PC: variants seen among roughly 807,000 people sequenced by gnomAD.
The protein encoded by PC is pyruvate carboxylase.
In PC, 46 loss-of-function variants were observed where a neutral mutation model predicts 107.8. That is an observed-to-expected ratio of 0.43 (90% CI 0.34 to 0.55). PC has a LOEUF of 0.55. PC is among the 20% of genes least tolerant of loss of function. The pLI, the probability that PC is intolerant of heterozygous loss-of-function variation, is 0.04. For missense variants in PC, 1,241 were observed against 1,643.1 expected (o/e 0.76, Z 4.23); for synonymous variants, 662 against 684.7 (o/e 0.97, Z 0.52).
intron 3 of PC, among the ~76,000 whole-genome samples, chr11:66,935,979 T>C (rs1240559375): frequency 6.6e-6 from 1 of 151,294 alleles, no homozygotes; most frequent in Non-Finnish European, 1.5e-5. Flanking sequence ...CTCAGGAGGC[T>C]CAGGTGGGAG....
At chr11:66,859,897 T>C (rs749430538) in intron 12 of PC, 1 of 1,575,472 alleles carries the variant, frequency 6.3e-7, no homozygotes, top group Non-Finnish European at 8.6e-7. Flanking sequence ...ACTGTGGCCT[T>C]GCTGGTTCGG....
rs1454157284 is a variant in PC at position 66,851,779 on chromosome 11, C to T, written c.1982+11G>A. 6.2e-7 allele frequency: 1 copy of T among 1,614,140 alleles called. No homozygotes were observed. Among genetic ancestry groups the T allele is most frequent in the African/African-American group, 1.3e-5 (1 of 75,056 alleles). On this transcript the variant is annotated intron_variant, in intron 16 of 22. Coordinates refer to ENST00000393960, the MANE Select transcript of PC (RefSeq NM_001040716.2). ...ACCAGGTAGCGTCTGCCCACCCCAC[C>T]CCAGGCTCACTTGAAGACCACGTTG...
At chr11:66,894,983 T>C (rs1252945162) in intron 3 of PC, among the ~76,000 whole-genome samples, 1 of 150,762 alleles carries the variant, frequency 6.6e-6, no homozygotes, top group Non-Finnish European at 1.5e-5. Flanking sequence ...GATTGTGCCA[T>C]TGCACTCCAG....
chr11:66,927,920 A>G (rs1002305381), intron 3 of PC, among the ~76,000 whole-genome samples: 3 of 152,198 alleles, frequency 2.0e-5, no homozygotes, highest in Non-Finnish European at 4.4e-5. Flanking sequence ...GGAGAAATTT[A>G]CATGAAGAGA....
intron 12 of PC, chr11:66,860,754 G>A (rs985262638): frequency 1.1e-4 from 78 of 698,770 alleles, no homozygotes; most frequent in Admixed American, 9.8e-4. Flanking sequence ...GCGACAGGAC[G>A]CCGTATCCAG....
At chr11:66,890,950 G>A (rs940290752) in intron 3 of PC, among the ~76,000 whole-genome samples, 1 of 152,068 alleles carries the variant, frequency 6.6e-6, no homozygotes, top group Non-Finnish European at 1.5e-5. Flanking sequence ...GATTAAAAGT[G>A]TTAAAAAATG....
At position 66,872,143 on chromosome 11, in the gene PC, G is replaced by T. The variant is rs866901677; in HGVS notation, c.17C>A (p.Thr6Lys). 1 of 1,582,086 alleles carries T rather than the reference G, an allele frequency of 6.3e-7. No homozygotes were observed. The highest frequency in any genetic ancestry group is 8.6e-7 in the Non-Finnish European group (1 of 1,164,960). Residue 6 changes from threonine to lysine, a missense_variant, in exon 4 of 23, where the codon ACA (threonine) becomes AAA (lysine). By Grantham distance (78) the Thr-to-Lys change is moderately conservative (BLOSUM62 -1). Coordinates refer to ENST00000393960, the MANE Select transcript of PC (RefSeq NM_001040716.2). MLKFRTVHGGLRLLGI... is the reference protein window; with the variant it reads MLKFRKVHGGLRLLGI... ...CAGGAGCCTCAGGCCCCCATGGACT[G>T]TTCGGAACTTCAGCATCTAGGGAGG... is the stretch of plus-strand genomic sequence containing the variant.
intron 3 of PC, among the ~76,000 whole-genome samples, chr11:66,905,383 G>T (rs17147932): frequency 0.063 from 9,598 of 152,234 alleles, 317 homozygotes; most frequent in African/African-American, 0.074. Context: ...CGTCTCCAAG[G>T]GCGGACTCCA....
chr11:66,921,209 C>A (rs11227629), intron 3 of PC, among the ~76,000 whole-genome samples: 4,336 of 152,188 alleles, frequency 0.028, 184 homozygotes, highest in African/African-American at 0.089. Flanking sequence ...TGGAAACGAC[C>A]CCGCTAAAAA....
intron 3 of PC, among the ~76,000 whole-genome samples, chr11:66,878,534 C>T (rs1025557669): frequency 5.3e-5 from 8 of 152,198 alleles, no homozygotes; most frequent in East Asian, 1.9e-4. Context: ...GACATGTTGC[C>T]GCCCCCTCGG....
rs1376541029 is a variant in PC at position 66,858,412 on chromosome 11, C to T, written c.1369-5029G>A. ...TCTCGTGGGCGTGATGCAGAGGCCT[C>T]TCCCGCCCCCCTGGTGCTGAGCTTT... On this transcript the variant is annotated intron_variant, in intron 12 of 22. Coordinates refer to ENST00000393960, the MANE Select transcript of PC (RefSeq NM_001040716.2). The surrounding 1 kb of genome is among the most constrained non-coding windows in gnomAD (Gnocchi z 5.9). 1 of 1,556,216 alleles carries T rather than the reference C, an allele frequency of 6.4e-7. No homozygotes were observed. Among genetic ancestry groups the T allele is most frequent in the East Asian group, 2.4e-5 (1 of 42,114 alleles).
intron 12 of PC, among the ~76,000 whole-genome samples, chr11:66,860,823 G>A (rs1470928941): frequency 6.6e-6 from 1 of 152,232 alleles, no homozygotes; most frequent in Non-Finnish European, 1.5e-5. Flanking sequence ...GGTCTGCGGG[G>A]CGGACACAGG....
At chr11:66,876,801 G>T (rs1946997060) in intron 3 of PC, among the ~76,000 whole-genome samples, 1 of 152,194 alleles carries the variant, frequency 6.6e-6, no homozygotes, top group African/African-American at 2.4e-5. Context: ...TGAGCGCTGG[G>T]AAAGGCCATG....
At chr11:66,903,477 C>T (rs984897388) in intron 3 of PC, among the ~76,000 whole-genome samples, 12 of 151,378 alleles carry the variant, frequency 7.9e-5, no homozygotes, top group South Asian at 2.1e-4. Context: ...TGGTGGCTCA[C>T]GCCTGTAATC....
Position 66,849,305 on chromosome 11 carries a change from G to A in PC, c.3213C>T (p.Ala1071=), listed in dbSNP as rs774982916. Residue 1071 remains alanine (A), a synonymous_variant, in exon 22 of 23, where the codon GCC becomes GCT. Coordinates refer to ENST00000393960, the MANE Select transcript of PC (RefSeq NM_001040716.2). ...GCTCAAAGAAGACCTGCCTCTGGCCGGCCCGGTTCAGGTCGCTCACGGCCA... is the reference window on the plus strand; with the variant it reads ...GCTCAAAGAAGACCTGCCTCTGGCCAGCCCGGTTCAGGTCGCTCACGGCCA... ...KALAVSDLNR[A]GQRQVFFELN... 5.6e-5 allele frequency: 91 copies of A among 1,613,516 alleles called. No homozygotes were observed. The highest frequency in any genetic ancestry group is 4.7e-4 in the South Asian group (43 of 91,092).
At chr11:66,856,834 G>C (rs943817327) in intron 12 of PC, 1 of 150,494 alleles carries the variant, frequency 6.6e-6, no homozygotes, top group African/African-American at 2.4e-5. Context: ...GGGGCGCCAG[G>C]ATGGCCGGGG....
At chr11:66,908,454 A>G (rs1177586620) in intron 3 of PC, among the ~76,000 whole-genome samples, 1 of 152,178 alleles carries the variant, frequency 6.6e-6, no homozygotes, top group African/African-American at 2.4e-5. Flanking sequence ...CACATGCTTG[A>G]ACATACTATG....
chr11:66,850,571 G>A (rs1200593928), intron 18 of PC, 103 bp downstream of exon 18: 1 of 1,601,940 alleles, frequency 6.2e-7, no homozygotes, highest in Non-Finnish European at 8.5e-7. Flanking sequence ...AGGCGGCAAG[G>A]CCAGAGCAGG....
chr11:66,915,763 G>A (rs922664917), intron 3 of PC, among the ~76,000 whole-genome samples: 1 of 152,236 alleles, frequency 6.6e-6, no homozygotes, highest in Admixed American at 6.5e-5. Flanking sequence ...TAACGTAACA[G>A]AGAGGGCAGT....
Sources: allele counts gnomAD v4.1 joint callset (sites outside exome capture counted in the v4.1 genomes callset), GRCh38; gene constraint gnomAD v4.1.1; non-coding constraint Gnocchi (gnomAD v3.1); transcripts MANE v1.5; gene names NCBI Gene and HGNC (gene_info 2026-07-23, HGNC 2026-07-21).